Variants in LEMD1 observed in about 807,000 individuals in gnomAD.
LEMD1 encodes the protein LEM domain containing 1.
Under a neutral mutation model 17.4 loss-of-function variants are expected in LEMD1, and 18 were observed. The ratio of observed to expected loss-of-function variants is 1.04; its 90% CI spans 0.72 to 1.54. The LOEUF (loss-of-function observed/expected upper bound fraction) is 1.54, where lower values mean the gene tolerates loss of function less well. Among genes scored for constraint, LEMD1 ranks in the 40% most tolerant of loss-of-function variants. LEMD1 has a pLI of 0.00. For synonymous variants in LEMD1, 88 were observed against 77.8 expected (o/e 1.13, Z -0.69); for missense variants, 195 against 210.4 (o/e 0.93, Z 0.45).
intron 1 of LEMD1, among the ~76,000 whole-genome samples, chr1:205,421,335 C>A (rs1323155186): frequency 6.6e-6 from 1 of 152,158 alleles, no homozygotes; most frequent in Non-Finnish European, 1.5e-5. Flanking sequence ...ACCCATTTGT[C>A]AAACCTTTTA....
chr1:205,417,602 C>A (rs112956845), intron 3 of LEMD1, among the ~76,000 whole-genome samples: 4 of 152,176 alleles, frequency 2.6e-5, no homozygotes, highest in African/African-American at 9.6e-5. Context: ...CCCTGAGGCA[C>A]CCCCGTGCTA....
chr1:205,445,412 C>T (rs1428793127), intron 1 of LEMD1, among the ~76,000 whole-genome samples: 1 of 152,238 alleles, frequency 6.6e-6, no homozygotes, highest in African/African-American at 2.4e-5. Context: ...CCCGCATTCT[C>T]CTTGGAGGTT....
chr1:205,447,717 C>T (rs1005522199), intron 1 of LEMD1, among the ~76,000 whole-genome samples: 5 of 150,776 alleles, frequency 3.3e-5, no homozygotes, highest in African/African-American at 4.9e-5. Flanking sequence ...GGTAGCACAC[C>T]AGGAGCCAGG....
intron 1 of LEMD1, among the ~76,000 whole-genome samples, chr1:205,446,563 C>T (rs1347493990): frequency 6.6e-6 from 1 of 152,192 alleles, no homozygotes; most frequent in Non-Finnish European, 1.5e-5. Context: ...CAACAGGATT[C>T]CCGGGAGGGG....
At chr1:205,411,715 AAG>A (rs1457326365) in intron 4 of LEMD1, among the ~76,000 whole-genome samples, 7 of 151,756 alleles carry the variant, frequency 4.6e-5, no homozygotes, top group South Asian at 4.2e-4. Flanking sequence ...GAAAGAAAGA[AAG>A]AGAAAGAAAG....
At chr1:205,405,712 A>T (rs1574970679) in intron 4 of LEMD1, among the ~76,000 whole-genome samples, 1 of 152,028 alleles carries the variant, frequency 6.6e-6, no homozygotes. Flanking sequence ...TGTCAAAGTC[A>T]TTCTCCATCC....
intron 4 of LEMD1, among the ~76,000 whole-genome samples, chr1:205,410,595 C>T (rs1032293424): frequency 3.3e-5 from 5 of 152,176 alleles, no homozygotes; most frequent in African/African-American, 4.8e-5. Flanking sequence ...CCCTGCCCCA[C>T]CCCCAAATGC....
At chr1:205,446,231 C>T (rs1381142547) in intron 1 of LEMD1, among the ~76,000 whole-genome samples, 1 of 152,182 alleles carries the variant, frequency 6.6e-6, no homozygotes, top group Non-Finnish European at 1.5e-5. Flanking sequence ...TGGCAGTAGC[C>T]AAGAGACAAA....
chr1:205,401,273 C>T (rs1664839827), intron 4 of LEMD1, among the ~76,000 whole-genome samples: 1 of 152,240 alleles, frequency 6.6e-6, no homozygotes, highest in Non-Finnish European at 1.5e-5. Flanking sequence ...AATCGCCACA[C>T]TGACTTCCAC....
chr1:205,382,130 T>G, intron 5 of LEMD1: 1 of 417,382 alleles, frequency 2.4e-6, no homozygotes, highest in East Asian at 4.8e-5. Context: ...GCCTCTCGAG[T>G]AGCTCGGACC....
intron 4 of LEMD1, among the ~76,000 whole-genome samples, chr1:205,411,923 G>A (rs567040684): frequency 3.0e-4 from 45 of 152,282 alleles, no homozygotes; most frequent in South Asian, 2.1e-4. Context: ...ACCTCCCAGG[G>A]CCAGCTGCCC....
intron 4 of LEMD1, chr1:205,386,309 C>CT (rs10645710): frequency 0.43 from 61,689 of 144,346 alleles, 13,273 homozygotes; most frequent in South Asian, 0.53. Context: ...GTGCCCCCTT[C>CT]TTTTTTTTTT....
Position 205,416,261 on chromosome 1 carries a change from A to G in LEMD1, c.241T>C (p.Ser81Pro), listed in dbSNP as rs768204367. 9.0e-6 allele frequency: 14 copies of G among 1,548,518 alleles called. No homozygotes were observed. Among genetic ancestry groups the G allele is most frequent in the Non-Finnish European group, 1.2e-5 (14 of 1,145,538 alleles). The change falls in exon 4 of 6, where the codon TCA (serine) becomes CCA (proline). Residue 81 changes from serine to proline, a missense_variant. Transcript: ENST00000367153. ...NIILQGNIIL[S>P]TEKSKKLKKW... is the part of the protein sequence containing the mutation. Reference sequence around the variant, plus strand: ...TTGAGTTTCTTGCTTTTTTCTGTTGAGAGTATGATATTTCCTTGCAAAATG... The same window carrying G: ...TTGAGTTTCTTGCTTTTTTCTGTTGGGAGTATGATATTTCCTTGCAAAATG...
intron 4 of LEMD1, among the ~76,000 whole-genome samples, chr1:205,394,631 C>T (rs142638840): frequency 0.22 from 33,279 of 151,984 alleles, 3,873 homozygotes; most frequent in Middle Eastern, 0.29. Context: ...GTGATCCACC[C>T]GCCTTGGCCT....
chr1:205,443,763 T>G (rs533988773), intron 1 of LEMD1, among the ~76,000 whole-genome samples: 1 of 152,316 alleles, frequency 6.6e-6, no homozygotes, highest in African/African-American at 2.4e-5. Context: ...GGGCTCTGTC[T>G]GCAGCATGCA....
chr1:205,434,368 A>G (rs1041755304), intron 1 of LEMD1, among the ~76,000 whole-genome samples: 2 of 146,838 alleles, frequency 1.4e-5, no homozygotes, highest in African/African-American at 5.0e-5. Flanking sequence ...TATATTATAT[A>G]TATATATATT....
At chr1:205,440,418 T>C (rs1666272729) in intron 1 of LEMD1, among the ~76,000 whole-genome samples, 1 of 152,202 alleles carries the variant, frequency 6.6e-6, no homozygotes, top group South Asian at 2.1e-4. Flanking sequence ...AAAGGATTCT[T>C]GCCCCAGGTC....
chr1:205,388,014 T>G (rs1002920458), intron 4 of LEMD1, among the ~76,000 whole-genome samples: 2 of 152,212 alleles, frequency 1.3e-5, no homozygotes, highest in Non-Finnish European at 2.9e-5. Context: ...CCCTGAGGCA[T>G]GGAGCGTTTA....
chr1:205,417,900 G>A (rs2102432936), intron 3 of LEMD1, among the ~76,000 whole-genome samples: 1 of 151,908 alleles, frequency 6.6e-6, no homozygotes, highest in South Asian at 2.1e-4. Context: ...TGTAGGGTAT[G>A]GAGTGGAAAG....
Sources: allele counts gnomAD v4.1 joint callset (sites outside exome capture counted in the v4.1 genomes callset), GRCh38; gene constraint gnomAD v4.1.1; transcripts MANE v1.5; gene names NCBI Gene and HGNC (gene_info 2026-07-23, HGNC 2026-07-21).